The following OR3A2 variants were observed in gnomAD, a reference collection of about 807,000 sequenced individuals.
OR3A2 encodes the protein olfactory receptor 3A2.
For missense variants in OR3A2, 318 were observed against 392.8 expected (o/e 0.81, Z 1.61); for synonymous variants, 126 against 159.3 (o/e 0.79, Z 1.57).
chr17:3,375,120 G>T, intron 2 of OR3A2, among the ~76,000 whole-genome samples: 1 of 84,260 alleles, frequency 1.2e-5, no homozygotes. Context: ...TCTTTATCTG[G>T]CAATTCAGAG....
intron 2 of OR3A2, among the ~76,000 whole-genome samples, chr17:3,366,735 A>G (rs893727147): frequency 2.6e-5 from 4 of 152,228 alleles, no homozygotes; most frequent in South Asian, 2.1e-4. Flanking sequence ...TAATCTGGTC[A>G]GTGTTCTGGG....
In OR3A2 at chr17:3,312,107, A is replaced by C. The variant is rs191624786; in HGVS notation, c.-85+23926T>G. 3.2e-4 allele frequency among the ~76,000 whole-genome samples: 48 copies of C among 152,306 alleles called. No homozygotes were observed. In the East Asian group the frequency reaches 7.7e-3, roughly 24 times the overall value. On this transcript the variant is annotated intron_variant, in intron 3 of 4. Coordinates refer to the OR3A2 transcript ENST00000573491. ...TCTGCCTTGGATTGAGGAGAAAGGC[A>C]AAAGCTTAGGTGAGAGAGTATCTAA...
At chr17:3,351,891 T>C (rs892035776) in intron 2 of OR3A2, among the ~76,000 whole-genome samples, 1 of 151,880 alleles carries the variant, frequency 6.6e-6, no homozygotes, top group Non-Finnish European at 1.5e-5. Flanking sequence ...TATCTACAAC[T>C]ATCTGATCTT....
At chr17:3,305,040 G>A (rs986037253) in intron 3 of OR3A2, among the ~76,000 whole-genome samples, 26 of 152,170 alleles carry the variant, frequency 1.7e-4, no homozygotes, top group Admixed American at 1.2e-3. Flanking sequence ...ACATTTTTGG[G>A]TGCTGGCAAT....
chr17:3,369,785 T>C (rs1029138941), intron 2 of OR3A2, among the ~76,000 whole-genome samples: 3 of 149,528 alleles, frequency 2.0e-5, no homozygotes, highest in South Asian at 4.3e-4. Flanking sequence ...TCTTTTTGAA[T>C]GGTTTCCGTT....
upstream of OR3A2, among the ~76,000 whole-genome samples, chr17:3,287,548 A>G (rs1597318748): frequency 6.6e-6 from 1 of 152,190 alleles, no homozygotes; most frequent in Non-Finnish European, 1.5e-5. Flanking sequence ...GTCAACATCT[A>G]GTTCATTTCA....
chr17:3,373,446 G>GT lies in OR3A2; in HGVS notation c.-179+10357dup, dbSNP rs557833837. 3.9e-5 allele frequency among the ~76,000 whole-genome samples: 6 copies of GT among 152,248 alleles called. No homozygotes were observed. The South Asian group carries it at 1.2e-3, about 32-fold the overall frequency. ...TCTATCTCATTTCTTAGTTCTAGTAGTAATTGTTTTATACATTTGGGAGCT... is the reference window on the plus strand; with the variant it reads ...TCTATCTCATTTCTTAGTTCTAGTAGTTAATTGTTTTATACATTTGGGAGCT... On this transcript the variant is annotated intron_variant, in intron 2 of 4. Transcript: ENST00000573491.
chr17:3,341,882 A>G (rs2049322075), intron 2 of OR3A2, among the ~76,000 whole-genome samples: 1 of 152,160 alleles, frequency 6.6e-6, no homozygotes, highest in Non-Finnish European at 1.5e-5. Flanking sequence ...TCCATTTTCC[A>G]CATCACTTTC....
intron 2 of OR3A2, among the ~76,000 whole-genome samples, chr17:3,382,621 C>T (rs372141987): frequency 4.6e-5 from 7 of 152,350 alleles, no homozygotes; most frequent in East Asian, 3.9e-4. Flanking sequence ...CTCTGCCTTA[C>T]AGCACTAGGG....
intron 2 of OR3A2, among the ~76,000 whole-genome samples, chr17:3,344,733 C>A (rs565228934): frequency 2.0e-5 from 3 of 152,132 alleles, no homozygotes; most frequent in South Asian, 4.1e-4. Context: ...TTGGGTGGGG[C>A]TGCACACCAA....
chr17:3,353,536 C>T (rs1284983059), intron 2 of OR3A2, among the ~76,000 whole-genome samples: 2 of 151,742 alleles, frequency 1.3e-5, no homozygotes, highest in African/African-American at 4.8e-5. Context: ...TTGAGGTATT[C>T]TCCTTCTATA....
At chr17:3,385,883 G>A (rs988815026) in intron 1 of OR3A2, 4 of 398,556 alleles carry the variant, frequency 1.0e-5, no homozygotes, top group Middle Eastern at 6.3e-4. Context: ...AATTTCGGCC[G>A]GCTGCCTCCT....
chr17:3,281,098 G>C (rs1488665146), intron 1 of OR3A2, among the ~76,000 whole-genome samples: 1 of 152,118 alleles, frequency 6.6e-6, no homozygotes, highest in East Asian at 1.9e-4. Context: ...CACAATCCTG[G>C]AACAAGTGAC....
intron 2 of OR3A2, among the ~76,000 whole-genome samples, chr17:3,356,626 C>G (rs376228483): frequency 1.3e-5 from 2 of 151,364 alleles, no homozygotes; most frequent in African/African-American, 4.9e-5. Context: ...TATTTTCCAC[C>G]ATAAATACTC....
At chr17:3,293,242 G>C (rs573018436) in intron 3 of OR3A2, among the ~76,000 whole-genome samples, 1 of 151,736 alleles carries the variant, frequency 6.6e-6, no homozygotes, top group Admixed American at 6.6e-5. Context: ...ATGGTGTAAA[G>C]TATGGCACCA....
At chr17:3,314,084 C>T (rs190129004) in intron 3 of OR3A2, among the ~76,000 whole-genome samples, 12 of 152,294 alleles carry the variant, frequency 7.9e-5, no homozygotes, top group Non-Finnish European at 1.3e-4. Context: ...GAAAAGGCTT[C>T]CTAACTTTGT....
At position 3,283,736 on chromosome 17, in the gene OR3A2, T is replaced by TG. The variant is rs952659779; in HGVS notation, c.-7+621_-7+622insC. ...CAAGCAGGTCATGGACCAGTCCACA[T>TG]CTTCTTTTTACTTAAACCTCCCAAA... On this transcript the variant is annotated intron_variant, in intron 1 of 1. Coordinates refer to ENST00000642052, the Ensembl canonical transcript of OR3A2. 1.5e-4 allele frequency among the ~76,000 whole-genome samples: 23 copies of TG among 152,072 alleles called. 1 individual carries two copies. The highest frequency in any genetic ancestry group is 6.2e-4 in the South Asian group (3 of 4,822).
intron 2 of OR3A2, among the ~76,000 whole-genome samples, chr17:3,374,338 T>G (rs374311211): frequency 2.3e-4 from 35 of 152,332 alleles, no homozygotes; most frequent in African/African-American, 8.2e-4. Flanking sequence ...TTTGGTCATC[T>G]AGATGTCTAG....
intron 2 of OR3A2, among the ~76,000 whole-genome samples, chr17:3,337,721 G>A (rs572499766): frequency 1.4e-4 from 22 of 152,226 alleles, no homozygotes; most frequent in African/African-American, 4.6e-4. Context: ...TGTGAATAGT[G>A]CCACAATAAA....
Sources: allele counts gnomAD v4.1 joint callset (sites outside exome capture counted in the v4.1 genomes callset), GRCh38; gene constraint gnomAD v4.1.1; transcripts MANE v1.5; gene names NCBI Gene and HGNC (gene_info 2026-07-23, HGNC 2026-07-21).